The following SALL3 variants were observed in gnomAD, a reference collection of about 807,000 sequenced individuals.
SALL3 encodes sal-like protein 3.
Under a neutral mutation model 66.2 loss-of-function variants are expected in SALL3, and 25 were observed. The ratio of observed to expected loss-of-function variants is 0.38; its 90% CI spans 0.28 to 0.53. The LOEUF (loss-of-function observed/expected upper bound fraction) is 0.53. SALL3 is among the 20% of genes least tolerant of loss of function. The pLI is 0.85. For synonymous variants in SALL3, 1,152 were observed against 899.1 expected, an observed-to-expected ratio of 1.28 and a Z score of -5.03; for missense variants, 2,194 against 1,916.5, an observed-to-expected ratio of 1.14 and a Z score of -2.70.
intron 1 of SALL3, among the ~76,000 whole-genome samples, chr18:78,983,880 A>T (rs932232658): frequency 6.6e-5 from 10 of 152,184 alleles, no homozygotes; most frequent in Non-Finnish European, 1.3e-4. Context: ...CATTTCTTTT[A>T]AAAACAACAT....
chr18:78,994,306 C>T lies in SALL3; in HGVS notation c.2315C>T (p.Pro772Leu), dbSNP rs772101192. ...MGGQIPNTPL[P>L]EGFQDAMDSE... Reference sequence around the variant, plus strand: ...GGCCAGATCCCCAACACGCCGCTGCCGGAGGGCTTCCAGGATGCCATGGAC... The same window carrying T: ...GGCCAGATCCCCAACACGCCGCTGCTGGAGGGCTTCCAGGATGCCATGGAC... Residue 772 changes from proline to leucine, a missense_variant, in exon 2 of 3, where the codon CCG (proline) becomes CTG (leucine). Transcript: ENST00000537592. 26 of 1,613,582 alleles carry T rather than the reference C, an allele frequency of 1.6e-5. No individual in the cohort carries two copies. In the South Asian group the frequency reaches 1.6e-4, roughly 10 times the overall value.
intron 1 of SALL3, among the ~76,000 whole-genome samples, chr18:78,991,394 G>GGA (rs1914431332): frequency 1.8e-5 from 2 of 109,894 alleles, no homozygotes; most frequent in Admixed American, 1.9e-4. Flanking sequence ...GGGGGGGGGG[G>GGA]AACTGCTCTG....
At chr18:78,985,917 C>A (rs1355348853) in intron 1 of SALL3, among the ~76,000 whole-genome samples, 1 of 152,154 alleles carries the variant, frequency 6.6e-6, no homozygotes, top group Non-Finnish European at 1.5e-5. Flanking sequence ...TTTAGCAAAA[C>A]CTTGTTTTCA....
At chr18:78,983,871 A>G (rs868266697) in intron 1 of SALL3, among the ~76,000 whole-genome samples, 33 of 152,200 alleles carry the variant, frequency 2.2e-4, no homozygotes, top group African/African-American at 8.0e-4. Context: ...CTTTGCCAAC[A>G]TTTCTTTTAA....
chr18:78,980,346 TC>T lies in SALL3; in HGVS notation c.75del (p.Glu26SerfsTer55). 7.0e-7 allele frequency: 1 copy of T among 1,438,536 alleles called. No homozygotes were observed. Among genetic ancestry groups the T allele is most frequent in the South Asian group, 1.3e-5 (1 of 75,458 alleles). 89.1% of individuals were successfully genotyped at this position (1,438,536 alleles called of 1,614,324 possible). The part of the protein sequence containing the change: ...DEELLPPDGA[P>X]EHAAPGEGAE... ...AGGAGCTGCTGCCGCCTGACGGGGCTCCCGAGCACGGTGAGGGCCGGGGCTG... is the reference window on the plus strand; with the variant it reads ...AGGAGCTGCTGCCGCCTGACGGGGCTCCGAGCACGGTGAGGGCCGGGGCTG... On this transcript the variant is annotated frameshift_variant, in exon 1 of 3. Coordinates refer to ENST00000537592, the MANE Select transcript of SALL3 (RefSeq NM_171999.4). LOFTEE classifies it high-confidence loss of function.
rs747072194 is a variant in SALL3 at position 78,994,447 on chromosome 18, C to T, written c.2456C>T (p.Ala819Val). The change falls in exon 2 of 3, where the codon GCC (alanine) becomes GTC (valine). Residue 819 changes from alanine (A) to valine (V), a missense_variant. Physicochemically the swap from Ala to Val is moderately conservative, Grantham distance 64 (BLOSUM62 0). Transcript: ENST00000537592. ...CTGAAGGACGCGGCCACCGACCCGGCCAAGCCACTCCTGTCCTACGCGGGG... is the reference window on the plus strand; with the variant it reads ...CTGAAGGACGCGGCCACCGACCCGGTCAAGCCACTCCTGTCCTACGCGGGG... ...AELKDAATDP[A>V]KPLLSYAGSC... 11 of 1,612,312 alleles carry T rather than the reference C, an allele frequency of 6.8e-6. No individual in the cohort carries two copies. In the East Asian group the frequency reaches 2.5e-4, roughly 36 times the overall value.
rs748645061 is a variant in SALL3, at chr18:78,995,310, C to A, written c.3319C>A (p.Arg1107Ser). The change falls in exon 2 of 3, where the codon CGC becomes AGC. Residue 1107 changes from arginine (R) to serine (S), a missense_variant. Arg to Ser is a moderately radical substitution (Grantham distance 110, BLOSUM62 -1). Coordinates refer to ENST00000537592, the MANE Select transcript of SALL3 (RefSeq NM_171999.4). ...GGCGCCCATGCTGGCCCCCCCACCG[C>A]GCCGGACGCCCAAGCAGCACAACTG... ...GLAPMLAPPP[R>S]RTPKQHNCQS... The A allele has an allele frequency of 1.3e-6, 2 of 1,568,768 alleles. No individual in the cohort carries two copies. The highest frequency in any genetic ancestry group is 1.7e-6 in the Non-Finnish European group (2 of 1,162,688).
chr18:78,996,299 G>A (rs1914690563), intron 2 of SALL3, among the ~76,000 whole-genome samples: 1 of 152,220 alleles, frequency 6.6e-6, no homozygotes, highest in Non-Finnish European at 1.5e-5. Context: ...TGAAGTGCAC[G>A]TTTGCAAAGC....
chr18:78,987,036 C>G (rs1428706775), intron 1 of SALL3, among the ~76,000 whole-genome samples: 1 of 151,530 alleles, frequency 6.6e-6, no homozygotes, highest in East Asian at 1.9e-4. Context: ...TAATATTATT[C>G]TAAGTAAACT....
chr18:78,991,819 T>C (rs72985677), intron 1 of SALL3: 4,947 of 410,932 alleles, frequency 0.012, 49 homozygotes, highest in Non-Finnish European at 0.016. Flanking sequence ...TATGAAAATA[T>C]TGGAAATCAA....
At position 78,992,260 on chromosome 18, in the gene SALL3, C is replaced by T. The variant is rs757486154; in HGVS notation, c.269C>T (p.Pro90Leu). 1.3e-6 allele frequency: 2 copies of T among 1,568,748 alleles called. No homozygotes were observed. Among genetic ancestry groups the T allele is most frequent in the Admixed American group, 1.8e-5 (1 of 55,478 alleles). Residue 90 changes from proline (P) to leucine (L), a missense_variant, in exon 2 of 3, where the codon CCC (proline) becomes CTC (leucine). Transcript: ENST00000537592. ...GTGCACGAGGACGCGCCCGCGCCGC[C>T]CCCCGAGGACTTCCCCGAGCCTTCG... ...LIVHEDAPAP[P>L]PEDFPEPSPA...
Sources: gnomAD v4.1 joint callset for allele counts (sites outside exome capture counted in the v4.1 genomes callset) on GRCh38, gnomAD v4.1.1 for gene constraint, MANE v1.5 for transcripts, NCBI Gene and HGNC (gene_info 2026-07-23, HGNC 2026-07-21) for gene names.